Variants in AFG2B observed in about 807,000 individuals in gnomAD.
The protein encoded by AFG2B is ATPase family gene 2 protein homolog B.
the AFG2B span, chr15:45,403,339 G>T: frequency 1.2e-6 from 2 of 1,606,570 alleles, no homozygotes; most frequent in African/African-American, 1.3e-5. Flanking sequence ...CTTCCTGGAC[G>T]AGATGGACGC....
At chr15:45,410,399 A>G in the AFG2B span, 27 of 1,613,780 alleles carry the variant, frequency 1.7e-5, no homozygotes, top group Non-Finnish European at 2.3e-5. Flanking sequence ...GATTGATGAA[A>G]TAGACTTCCT....
At chr15:45,411,828 G>A in the AFG2B span, among the ~76,000 whole-genome samples, 1 of 152,152 alleles carries the variant, frequency 6.6e-6, no homozygotes, top group Non-Finnish European at 1.5e-5. Context: ...TGGGCATGGT[G>A]GCTTACACCT....
the AFG2B span, among the ~76,000 whole-genome samples, chr15:45,405,664 A>G: frequency 2.0e-5 from 3 of 152,196 alleles, no homozygotes; most frequent in Admixed American, 6.5e-5. Flanking sequence ...TATAAATAGT[A>G]TATGATTGAG....
chr15:45,417,138 C>T, the AFG2B span: 14 of 1,078,914 alleles, frequency 1.3e-5, no homozygotes, highest in African/African-American at 1.4e-4. Flanking sequence ...GTCTGGAAAG[C>T]GGATATAAGC....
the AFG2B span, chr15:45,421,220 T>G: frequency 6.3e-7 from 1 of 1,585,520 alleles, no homozygotes; most frequent in Middle Eastern, 2.2e-4. Context: ...AAAATCACCT[T>G]AAACTCTTGT....
At chr15:45,403,033 C>T in the AFG2B span, 4 of 1,573,596 alleles carry the variant, frequency 2.5e-6, no homozygotes, top group Admixed American at 1.8e-5. Context: ...CGAGGTGCCC[C>T]TGGGAGGTCT....
chr15:45,408,316 T>G, the AFG2B span, among the ~76,000 whole-genome samples: 1 of 152,212 alleles, frequency 6.6e-6, no homozygotes, highest in Non-Finnish European at 1.5e-5. Context: ...TTTTGCCAAA[T>G]AAGCTTTATC....
chr15:45,414,598 T>C, the AFG2B span: 1 of 1,614,118 alleles, frequency 6.2e-7, no homozygotes, highest in Non-Finnish European at 8.5e-7. Flanking sequence ...GAAATTCCCT[T>C]GGGAATTTGT....
chr15:45,412,233 T>G, the AFG2B span, among the ~76,000 whole-genome samples: 1 of 150,526 alleles, frequency 6.6e-6, no homozygotes, highest in African/African-American at 2.5e-5. Flanking sequence ...AAACCCTGTC[T>G]CTACTAAAAA....
At chr15:45,414,796 C>T in the AFG2B span, 1 of 1,598,478 alleles carries the variant, frequency 6.3e-7, no homozygotes. Context: ...TTTATTTCCC[C>T]ATATGTTTAA....
chr15:45,417,143 A>G, the AFG2B span: 1 of 1,161,396 alleles, frequency 8.6e-7, no homozygotes. Context: ...GAAAGCGGAT[A>G]TAAGCATTCT....
At chr15:45,407,385 G>C in the AFG2B span, among the ~76,000 whole-genome samples, 3 of 152,334 alleles carry the variant, frequency 2.0e-5, no homozygotes, top group South Asian at 2.1e-4. Flanking sequence ...GACACACACA[G>C]AGGGGAAAGA....
the AFG2B span, chr15:45,418,611 G>A: frequency 2.5e-6 from 4 of 1,613,906 alleles, no homozygotes; most frequent in Non-Finnish European, 3.4e-6. Flanking sequence ...AGGGCCTGAT[G>A]TCTCCTTAGA....
At chr15:45,404,054 A>G in the AFG2B span, among the ~76,000 whole-genome samples, 2 of 152,194 alleles carry the variant, frequency 1.3e-5, no homozygotes, top group Non-Finnish European at 2.9e-5. Context: ...AGGTACCCAC[A>G]ACTGCTCCCT....
chr15:45,419,459 C>A, the AFG2B span, among the ~76,000 whole-genome samples: 1 of 150,316 alleles, frequency 6.7e-6, no homozygotes, highest in Admixed American at 6.6e-5. Context: ...GAGACTCTGT[C>A]TCTTAGGAAA....
chr15:45,405,541 C>A, the AFG2B span: 1 of 1,585,202 alleles, frequency 6.3e-7, no homozygotes, highest in Non-Finnish European at 8.6e-7. Flanking sequence ...CTATGTTAAT[C>A]TATTATTGTA....
At chr15:45,415,511 AAC>A in the AFG2B span, 2 of 1,329,420 alleles carry the variant, frequency 1.5e-6, no homozygotes, top group East Asian at 2.5e-5. Flanking sequence ...AAAAAAAAAA[AAC>A]AGGATTATAA....
At chr15:45,410,373 A>G in the AFG2B span, 3 of 1,612,278 alleles carry the variant, frequency 1.9e-6, no homozygotes, top group Non-Finnish European at 1.7e-6. Flanking sequence ...TTTCTTCAGA[A>G]CCAGGACAAT....
chr15:45,412,398 C>CA, the AFG2B span, among the ~76,000 whole-genome samples: 182 of 134,448 alleles, frequency 1.4e-3, no homozygotes, highest in Middle Eastern at 7.4e-3. Context: ...GACTCCGTCT[C>CA]AAAAAAAAAA....
Sources: gnomAD v4.1 joint callset for allele counts (sites outside exome capture counted in the v4.1 genomes callset) on GRCh38, gnomAD v4.1.1 for gene constraint, MANE v1.5 for transcripts, NCBI Gene and HGNC (gene_info 2026-07-23, HGNC 2026-07-21) for gene names.